Variants in SLC44A1 observed in about 807,000 individuals in gnomAD.
SLC44A1 encodes the protein solute carrier family 44 member 1.
SLC44A1 carries 26 observed loss-of-function variants against 79.3 expected under a neutral mutation model. The ratio of observed to expected loss-of-function variants is 0.33; its 90% confidence interval spans 0.24 to 0.46. The LOEUF is 0.46. Ranked by LOEUF, SLC44A1 falls within the 20% of genes least tolerant of loss-of-function variation. The probability of loss-of-function intolerance (pLI) is 1.00; values close to 1 mark genes in which losing one functional copy is unlikely to be tolerated. For missense variants in SLC44A1, 688 were observed against 798.1 expected (o/e 0.86, Z 1.66); for synonymous variants, 263 against 286.2 (o/e 0.92, Z 0.82).
chr9:105,406,496 C>T (rs1319254673), intron 15 of SLC44A1, among the ~76,000 whole-genome samples: 3 of 152,074 alleles, frequency 2.0e-5, no homozygotes, highest in Non-Finnish European at 4.4e-5. Context: ...ATCTCAATAC[C>T]TTGGGAGGCT....
At chr9:105,255,900 C>T (rs576782150) in intron 1 of SLC44A1, among the ~76,000 whole-genome samples, 85 of 152,328 alleles carry the variant, frequency 5.6e-4, no homozygotes, top group Non-Finnish European at 9.7e-4. Flanking sequence ...GAATGTATCT[C>T]AGAAATTACA....
chr9:105,385,716 G>A, intron 15 of SLC44A1: 1 of 985,412 alleles, frequency 1.0e-6, no homozygotes, highest in Non-Finnish European at 1.2e-6. Flanking sequence ...AAGCTGAAAG[G>A]AACAGCATCC....
At chr9:105,411,501 C>T (rs373454258) in intron 15 of SLC44A1, among the ~76,000 whole-genome samples, 143 of 144,860 alleles carry the variant, frequency 9.9e-4, no homozygotes, top group African/African-American at 3.5e-3. Flanking sequence ...TTTTACAGAC[C>T]TTCTTTAAAT....
Position 105,391,952 on chromosome 9 carries a change from C to A in SLC44A1, c.*2896C>A. ...AGTGACCAGAGTATCGTGGTTTTTG[C>A]CATCAGATAATTAAGGCTCTGGTGC... On this transcript the variant is annotated 3_prime_UTR_variant, in exon 16 of 16. Coordinates refer to ENST00000374720, the MANE Select transcript of SLC44A1 (RefSeq NM_080546.5). 1.0e-6 allele frequency: 1 copy of A among 985,194 alleles called. No homozygotes were observed. The highest frequency in any genetic ancestry group is 1.2e-6 in the Non-Finnish European group (1 of 829,870). 61.0% of individuals were successfully genotyped at this position (985,194 alleles called of 1,614,324 possible).
At position 105,392,441 on chromosome 9, in the gene SLC44A1, A is replaced by C. The variant is rs1229829218; in HGVS notation, c.*3385A>C. On this transcript the variant is annotated 3_prime_UTR_variant, in exon 16 of 16. Coordinates refer to ENST00000374720, the MANE Select transcript of SLC44A1 (RefSeq NM_080546.5). ...TTTTTTTTTTTTTTTCCGTGAGGGC[A>C]TTAGGCTGCTGATTGTAAGTTATTT... The C allele has an allele frequency of 5.2e-6, 4 of 767,214 alleles. No homozygotes were observed. The highest frequency in any genetic ancestry group is 3.0e-4 in the East Asian group (2 of 6,722). 47.5% of individuals were successfully genotyped at this position (767,214 alleles called of 1,614,324 possible).
At chr9:105,372,956 A>G (rs1334706628) in intron 12 of SLC44A1, among the ~76,000 whole-genome samples, 1 of 151,976 alleles carries the variant, frequency 6.6e-6, no homozygotes, top group Non-Finnish European at 1.5e-5. Flanking sequence ...TCTCAAAAAA[A>G]AAAAAAAAAG....
intron 1 of SLC44A1, among the ~76,000 whole-genome samples, chr9:105,277,577 C>CA (rs1245819040): frequency 1.3e-5 from 2 of 152,042 alleles, no homozygotes; most frequent in Admixed American, 1.3e-4. Flanking sequence ...AAAAAACAAG[C>CA]AAACAAAAAC....
At chr9:105,436,070 C>T (rs1049490838) in intron 15 of SLC44A1, among the ~76,000 whole-genome samples, 17 of 152,060 alleles carry the variant, frequency 1.1e-4, no homozygotes, top group Admixed American at 2.0e-4. Flanking sequence ...TGGTGGTGTG[C>T]GCCTGTAATC....
chr9:105,343,658 T>A (rs1383431489), intron 4 of SLC44A1, among the ~76,000 whole-genome samples: 1 of 152,238 alleles, frequency 6.6e-6, no homozygotes. Context: ...CTTGGTTGTT[T>A]AAAAAGAAGG....
intron 15 of SLC44A1, among the ~76,000 whole-genome samples, chr9:105,436,405 A>G (rs1238751819): frequency 4.6e-5 from 7 of 152,108 alleles, no homozygotes; most frequent in African/African-American, 1.2e-4. Context: ...TGAAACTGCA[A>G]GTCAAAGTAT....
At chr9:105,433,283 C>G (rs1934646849) in intron 15 of SLC44A1, among the ~76,000 whole-genome samples, 1 of 151,850 alleles carries the variant, frequency 6.6e-6, no homozygotes, top group Admixed American at 6.6e-5. Flanking sequence ...GCGATGGGAG[C>G]GAGACTCCAT....
chr9:105,389,514 G>A lies in SLC44A1; in HGVS notation c.*458G>A. The A allele has an allele frequency of 1.9e-6, 2 of 1,053,888 alleles. No individual in the cohort carries two copies. Among genetic ancestry groups the A allele is most frequent in the Non-Finnish European group, 2.3e-6 (2 of 874,278 alleles). The allele number at this position is 1,053,888 out of a possible 1,614,324, so 65.3% of individuals were successfully genotyped here. On this transcript the variant is annotated 3_prime_UTR_variant, in exon 16 of 16. Coordinates refer to ENST00000374720, the MANE Select transcript of SLC44A1 (RefSeq NM_080546.5). ...ATTTTACTGATGCATAAGTCCTAGT[G>A]GGTCAAGACTAGGCATATGCTTTCA... is the stretch of plus-strand genomic sequence containing the variant.
In SLC44A1 at chr9:105,391,840, GTCT is replaced by G. The variant is rs778901572; in HGVS notation, c.*2791_*2793del. ...TCATTGATTCTATGTGGTGGTTTTT[GTCT>G]TCTTCTGTGGTGAATCTTCAAAACT... On this transcript the variant is annotated 3_prime_UTR_variant, in exon 16 of 16. Coordinates refer to ENST00000374720, the MANE Select transcript of SLC44A1 (RefSeq NM_080546.5). The G allele has an allele frequency of 9.9e-4, 976 of 985,136 alleles. 2 individuals are homozygous for G. Among genetic ancestry groups the G allele is most frequent in the Non-Finnish European group, 1.1e-3 (937 of 829,884 alleles). The allele number at this position is 985,136 out of a possible 1,614,324, so 61.0% of individuals were successfully genotyped here. A position where few individuals can be genotyped will look rare whatever the true frequency, so the allele number is the denominator to read the frequency against.
chr9:105,395,898 C>CTT lies in SLC44A1; in HGVS notation c.*6856_*6857dup, dbSNP rs570950056. On this transcript the variant is annotated 3_prime_UTR_variant, in exon 16 of 16. Coordinates refer to ENST00000374720, the MANE Select transcript of SLC44A1 (RefSeq NM_080546.5). Reference sequence around the variant, plus strand: ...TACCATGTTGATAATCCGGTGGTGACTTTTTTTTTTTTTTTGTAAATTGTA... The same window carrying CTT: ...TACCATGTTGATAATCCGGTGGTGACTTTTTTTTTTTTTTTTTGTAAATTGTA... 2.5e-4 allele frequency: 210 copies of CTT among 855,880 alleles called. No individual in the cohort carries two copies. Among genetic ancestry groups the CTT allele is most frequent in the Middle Eastern group, 5.8e-4 (1 of 1,716 alleles). 53.0% of individuals were successfully genotyped at this position (855,880 alleles called of 1,614,324 possible). A position where few individuals can be genotyped will look rare whatever the true frequency, so the allele number is the denominator to read the frequency against.
At chr9:105,331,971 C>T (rs1260700314) in intron 3 of SLC44A1, among the ~76,000 whole-genome samples, 2 of 152,150 alleles carry the variant, frequency 1.3e-5, no homozygotes, top group African/African-American at 4.8e-5. Context: ...GTGACAGTGA[C>T]TAACACCTAC....
chr9:105,397,817 G>T (rs1224757208), downstream of SLC44A1, among the ~76,000 whole-genome samples: 1 of 151,922 alleles, frequency 6.6e-6, no homozygotes, highest in Admixed American at 6.6e-5. Flanking sequence ...GCGTGGTGGC[G>T]GGCGCCTGTA....
At position 105,395,931 on chromosome 9, in the gene SLC44A1, C is replaced by T; in HGVS notation, c.*6875C>T. 1.0e-6 allele frequency: 1 copy of T among 978,246 alleles called. No individual in the cohort carries two copies. Among genetic ancestry groups the T allele is most frequent in the Admixed American group, 6.3e-5 (1 of 15,786 alleles). The allele number at this position is 978,246 out of a possible 1,614,324, so 60.6% of individuals were successfully genotyped here. A position where few individuals can be genotyped will look rare whatever the true frequency, so the allele number is the denominator to read the frequency against. On this transcript the variant is annotated 3_prime_UTR_variant, in exon 16 of 16. Coordinates refer to ENST00000374720, the MANE Select transcript of SLC44A1 (RefSeq NM_080546.5). ...TTTTTTTTGTAAATTGTATTAGATA[C>T]CCCACAGGAATGTGACAATAATAGG...
At chr9:105,425,771 C>T (rs987789553) in intron 15 of SLC44A1, among the ~76,000 whole-genome samples, 3 of 152,058 alleles carry the variant, frequency 2.0e-5, no homozygotes, top group African/African-American at 7.2e-5. Flanking sequence ...TGCAGTGAGC[C>T]GAGATCATGC....
intron 15 of SLC44A1, among the ~76,000 whole-genome samples, chr9:105,428,446 A>G (rs1435376177): frequency 6.6e-6 from 1 of 152,218 alleles, no homozygotes; most frequent in African/African-American, 2.4e-5. Context: ...TCTAAGAAGT[A>G]TAGTTGTTCA....
Sources: gnomAD v4.1 joint callset for allele counts (sites outside exome capture counted in the v4.1 genomes callset) on GRCh38, gnomAD v4.1.1 for gene constraint, MANE v1.5 for transcripts, NCBI Gene and HGNC (gene_info 2026-07-23, HGNC 2026-07-21) for gene names.